The following RPS6KA5 variants were observed in gnomAD, a reference collection of about 807,000 sequenced individuals.
RPS6KA5 encodes the protein ribosomal protein S6 kinase alpha-5.
Under a neutral mutation model 85.5 loss-of-function variants are expected in RPS6KA5, and 27 were observed. The ratio of observed to expected loss-of-function variants is 0.32; its 90% CI spans 0.23 to 0.44. The LOEUF (loss-of-function observed/expected upper bound fraction) is 0.44, where lower values mean the gene tolerates loss of function less well. RPS6KA5 is among the 20% of genes least tolerant of loss of function. The probability of loss-of-function intolerance (pLI) is 1.00; values close to 1 mark genes in which losing one functional copy is unlikely to be tolerated. For missense variants in RPS6KA5, 811 were observed against 980.9 expected (o/e 0.83, Z 2.31); for synonymous variants, 334 against 348.2 (o/e 0.96, Z 0.46).
At chr14:91,018,920 C>T (rs2041619058) in intron 1 of RPS6KA5, among the ~76,000 whole-genome samples, 1 of 151,952 alleles carries the variant, frequency 6.6e-6, no homozygotes, top group Non-Finnish European at 1.5e-5. Flanking sequence ...TCTACCCTCT[C>T]TTTTCCTCTT....
At chr14:91,003,135 CAT>C (rs1208747204) in intron 1 of RPS6KA5, among the ~76,000 whole-genome samples, 1 of 152,048 alleles carries the variant, frequency 6.6e-6, no homozygotes, top group Non-Finnish European at 1.5e-5. Flanking sequence ...ATTAAAGAGT[CAT>C]GTGTCAAAAA....
intron 5 of RPS6KA5, among the ~76,000 whole-genome samples, chr14:90,924,374 A>G (rs1161900627): frequency 6.6e-6 from 1 of 152,196 alleles, no homozygotes; most frequent in African/African-American, 2.4e-5. Flanking sequence ...TTATTTGCCT[A>G]TGAAGATGCA....
At chr14:90,943,008 T>C in intron 5 of RPS6KA5, 70 bp downstream of exon 5, 2 of 902,614 alleles carry the variant, frequency 2.2e-6, no homozygotes, top group Non-Finnish European at 3.7e-6. Context: ...GCTAAATGTT[T>C]ATTCTACGGC....
intron 3 of RPS6KA5, among the ~76,000 whole-genome samples, chr14:90,977,208 T>C (rs2039606033): frequency 6.6e-6 from 1 of 152,224 alleles, no homozygotes; most frequent in Admixed American, 6.5e-5. Flanking sequence ...AAGCACTATG[T>C]GAAATTCTAG....
intron 5 of RPS6KA5, among the ~76,000 whole-genome samples, chr14:90,929,552 T>G (rs1410546704): frequency 6.6e-6 from 1 of 152,110 alleles, no homozygotes; most frequent in Non-Finnish European, 1.5e-5. Context: ...TCTAATAATA[T>G]ATGTATAAAA....
intron 2 of RPS6KA5, among the ~76,000 whole-genome samples, chr14:90,991,655 T>A (rs1313411628): frequency 8.0e-6 from 1 of 125,110 alleles, no homozygotes; most frequent in South Asian, 2.6e-4. Context: ...TGAGCTGAGA[T>A]CACACCACTG....
Position 90,860,984 on chromosome 14 carries a change from C to T in RPS6KA5, c.*11090G>A, listed in dbSNP as rs564078454. On this transcript the variant is annotated 3_prime_UTR_variant, in exon 17 of 17. Coordinates refer to ENST00000614987, the MANE Select transcript of RPS6KA5 (RefSeq NM_004755.4). Reference sequence around the variant, plus strand: ...TTGGCTCACTGCAACCTCCCTCTTCCGGGTTCAAGCGTTTCTCCTGCCTCA... The same window carrying T: ...TTGGCTCACTGCAACCTCCCTCTTCTGGGTTCAAGCGTTTCTCCTGCCTCA... 3 of 150,672 alleles carry T rather than the reference C, an allele frequency of 2.0e-5. No individual in the cohort carries two copies. Among genetic ancestry groups the T allele is most frequent in the South Asian group, 2.1e-4 (1 of 4,734 alleles). The allele number at this position is 150,672 out of a possible 1,614,324, so 9.3% of individuals were successfully genotyped here. A position where few individuals can be genotyped will look rare whatever the true frequency, so the allele number is the denominator to read the frequency against.
At chr14:90,911,772 A>G (rs534228787) in intron 7 of RPS6KA5, among the ~76,000 whole-genome samples, 1 of 152,392 alleles carries the variant, frequency 6.6e-6, no homozygotes, top group East Asian at 1.9e-4. Context: ...GTAAAAAAGA[A>G]TAAAACATAA....
chr14:90,881,852 C>G (rs1394020431), intron 14 of RPS6KA5, among the ~76,000 whole-genome samples: 1 of 152,180 alleles, frequency 6.6e-6, no homozygotes, highest in African/African-American at 2.4e-5. Flanking sequence ...CATAGTTTCA[C>G]TTTCAATCTA....
At chr14:91,024,132 A>G (rs2139808024) in intron 1 of RPS6KA5, among the ~76,000 whole-genome samples, 1 of 152,200 alleles carries the variant, frequency 6.6e-6, no homozygotes, top group Non-Finnish European at 1.5e-5. Context: ...GCCCTTATTA[A>G]ATTTGTATTT....
At chr14:90,894,628 G>C in intron 12 of RPS6KA5, 45 bp from the exon 13 acceptor site, 1 of 1,596,932 alleles carries the variant, frequency 6.3e-7, no homozygotes, top group Admixed American at 1.7e-5. Context: ...CTGAAGCACA[G>C]AAGTCTATTA....
chr14:90,856,536 G>C lies in RPS6KA5; in HGVS notation c.*15538C>G, dbSNP rs1270543000. ...GCGCTACCACGCCCGGCTAATTTTT[G>C]TATTTTATTAGAGATGGAGTTTCTC... On this transcript the variant is annotated 3_prime_UTR_variant, in exon 17 of 17. Coordinates refer to ENST00000614987, the MANE Select transcript of RPS6KA5 (RefSeq NM_004755.4). 6.6e-6 allele frequency: 1 copy of C among 151,908 alleles called. No individual in the cohort carries two copies. The highest frequency in any genetic ancestry group is 1.5e-5 in the Non-Finnish European group (1 of 67,992). The allele number at this position is 151,908 out of a possible 1,614,324, so 9.4% of individuals were successfully genotyped here. A position where few individuals can be genotyped will look rare whatever the true frequency, so the allele number is the denominator to read the frequency against.
intron 5 of RPS6KA5, among the ~76,000 whole-genome samples, chr14:90,929,944 C>T (rs1041295560): frequency 2.6e-5 from 4 of 152,234 alleles, no homozygotes; most frequent in Admixed American, 2.6e-4. Context: ...GATCGCAGCT[C>T]ACTGCAACCT....
intron 1 of RPS6KA5, among the ~76,000 whole-genome samples, chr14:91,023,996 T>A (rs1183509065): frequency 6.6e-6 from 1 of 152,202 alleles, no homozygotes; most frequent in Non-Finnish European, 1.5e-5. Flanking sequence ...GCTGAATAAT[T>A]TTTCTTCTTT....
rs894525869 is a variant in RPS6KA5, at chr14:90,859,994, G to C, written c.*12080C>G. The C allele has an allele frequency of 1.3e-5, 2 of 152,158 alleles. No individual in the cohort carries two copies. The highest frequency in any genetic ancestry group is 2.9e-5 in the Non-Finnish European group (2 of 68,044). The allele number at this position is 152,158 out of a possible 1,614,324, so 9.4% of individuals were successfully genotyped here. On this transcript the variant is annotated 3_prime_UTR_variant, in exon 17 of 17. Transcript: ENST00000614987. ...GGGGCTAGGGGAGGGATAACATTAG[G>C]AGAAATACCTAATTTGGTGACAGGT...
rs145275130 is a variant in RPS6KA5, at chr14:90,930,960, T to C, written c.619-7764A>G. ...TGGTGAGAATGTAAAATGGTGCAGC[T>C]GCTATGGAAAATAGTATAAATGTTC... On this transcript the variant is annotated intron_variant, in intron 5 of 16. Coordinates refer to ENST00000614987, the MANE Select transcript of RPS6KA5 (RefSeq NM_004755.4). 9.3e-3 allele frequency among the ~76,000 whole-genome samples: 1,418 copies of C among 152,340 alleles called. 15 individuals carry two copies. The highest frequency in any genetic ancestry group is 0.037 in the Middle Eastern group (11 of 294).
chr14:90,977,987 G>A lies in RPS6KA5; in HGVS notation c.394+319C>T, dbSNP rs183942182. Among the ~76,000 whole-genome samples, 347 of 152,258 alleles carry A rather than the reference G, an allele frequency of 2.3e-3. 3 individuals carry two copies. The highest frequency in any genetic ancestry group is 3.6e-3 in the Non-Finnish European group (245 of 68,034). On this transcript the variant is annotated intron_variant, in intron 3 of 16. Transcript: ENST00000614987. ...GGAGAATCACCTGAACCTGGGAGGC[G>A]GAGGTTGCAATGAGCTGAGATTGTG...
intron 2 of RPS6KA5, among the ~76,000 whole-genome samples, chr14:90,988,697 T>C (rs2140519396): frequency 6.6e-6 from 1 of 152,074 alleles, no homozygotes; most frequent in South Asian, 2.1e-4. Flanking sequence ...TCTGTAATCC[T>C]AGCTACTCAG....
intron 14 of RPS6KA5, among the ~76,000 whole-genome samples, chr14:90,886,136 C>CATACAT (rs1475875042): frequency 6.6e-6 from 1 of 151,774 alleles, no homozygotes; most frequent in African/African-American, 2.4e-5. Flanking sequence ...TACATATACA[C>CATACAT]ATACATATAA....
Sources: allele counts gnomAD v4.1 joint callset (sites outside exome capture counted in the v4.1 genomes callset), GRCh38; gene constraint gnomAD v4.1.1; transcripts MANE v1.5; gene names NCBI Gene and HGNC (gene_info 2026-07-23, HGNC 2026-07-21).